CSRNP1: variants seen among roughly 807,000 people sequenced by gnomAD.
CSRNP1 encodes the protein cysteine and serine rich nuclear protein 1.
In CSRNP1, 8 loss-of-function variants were observed where a neutral mutation model predicts 25.0. The observed-to-expected ratio is 0.32, with a 90% CI of 0.19 to 0.58. The LOEUF is 0.58. Ranked by LOEUF, CSRNP1 falls within the 20% of genes least tolerant of loss-of-function variation. The pLI, the probability that CSRNP1 is intolerant of heterozygous loss-of-function variation, is 0.88. For missense variants in CSRNP1, 691 were observed against 773.1 expected, an observed-to-expected ratio of 0.89 and a Z score of 1.26; for synonymous variants, 305 against 303.1, an observed-to-expected ratio of 1.01 and a Z score of -0.06.
rs570154056 is a variant in CSRNP1, at chr3:39,146,218, G to A, written c.205+260C>T. On this transcript the variant is annotated intron_variant, in intron 2 of 4. Transcript: ENST00000273153. ...GAAACGAAACTGGAACAGAAGGGAG[G>A]GGCCAGACCGGGAAGGCCCTGAGAG... Among the ~76,000 whole-genome samples, 33 of 152,246 alleles carry A rather than the reference G, an allele frequency of 2.2e-4. No individual in the cohort carries two copies. In the South Asian group the frequency reaches 6.8e-3, roughly 32 times the overall value.
rs747000309 is a variant in CSRNP1 at position 39,146,732 on chromosome 3, G to C, written c.-40-10C>G. 1.3e-5 allele frequency: 20 copies of C among 1,544,684 alleles called. No individual in the cohort carries two copies. Among genetic ancestry groups the C allele is most frequent in the African/African-American group, 2.7e-5 (2 of 72,906 alleles). On this transcript the variant is annotated splice_polypyrimidine_tract_variant and intron_variant, in intron 1 of 4. Coordinates refer to ENST00000273153, the MANE Select transcript of CSRNP1 (RefSeq NM_033027.4). ...TCTGGGGACAGACAGCCTGGAATAGGAATGAGAAGGCTCTAAGTGGCAGGC... is the reference window on the plus strand; with the variant it reads ...TCTGGGGACAGACAGCCTGGAATAGCAATGAGAAGGCTCTAAGTGGCAGGC...
chr3:39,152,465 T>C (rs1419695797), intron 1 of CSRNP1: 1 of 152,984 alleles, frequency 6.5e-6, no homozygotes, highest in Non-Finnish European at 1.5e-5. Context: ...GAAAGGCAGA[T>C]ACCAAGATGT....
rs769542490 is a variant in CSRNP1, at chr3:39,145,074, G to T, written c.388C>A (p.Gln130Lys). Residue 130 changes from glutamine (Q) to lysine (K), a missense_variant, in exon 3 of 5, where the codon CAG (glutamine) becomes AAG (lysine). Coordinates refer to ENST00000273153, the MANE Select transcript of CSRNP1 (RefSeq NM_033027.4). Reference protein sequence around the residue: ...CRRFSLAEFAQEQARARHEKL... With the variant: ...CRRFSLAEFAKEQARARHEKL... The stretch of plus-strand genomic sequence containing the variant: ...TCGTGCCGTGCACGGGCTTGCTCCT[G>T]CGCAAACTCAGCCAAAGAGAAGCGA... The T allele has an allele frequency of 6.2e-6, 10 of 1,614,162 alleles. No homozygotes were observed. Among genetic ancestry groups the T allele is most frequent in the Non-Finnish European group, 8.5e-6 (10 of 1,180,060 alleles).
chr3:39,151,270 G>A (rs749119635), intron 1 of CSRNP1: 1 of 152,354 alleles, frequency 6.6e-6, no homozygotes, highest in Admixed American at 6.6e-5. Flanking sequence ...CTGAATCTGA[G>A]AGCCAGGCTT....
chr3:39,151,916 C>G (rs894333392), intron 1 of CSRNP1: 1 of 152,342 alleles, frequency 6.6e-6, no homozygotes, highest in Non-Finnish European at 1.5e-5. Context: ...GAAACTGCAC[C>G]TGACAATGAC....
chr3:39,143,874 C>T lies in CSRNP1; in HGVS notation c.951G>A (p.Gln317=). Residue 317 remains glutamine, a synonymous_variant, in exon 5 of 5, where the codon CAG becomes CAA. Coordinates refer to ENST00000273153, the MANE Select transcript of CSRNP1 (RefSeq NM_033027.4). ...ESFRELEAPA[Q]GSPPSPGEEA... ...CCTCACCAGGGCTGGGTGGGCTGCC[C>T]TGGGCAGGGGCCTCCAGCTCCCTAA... 1 of 1,614,160 alleles carries T rather than the reference C, an allele frequency of 6.2e-7. No individual in the cohort carries two copies. Among genetic ancestry groups the T allele is most frequent in the South Asian group, 1.1e-5 (1 of 91,082 alleles).
chr3:39,144,601 AC>A, intron 3 of CSRNP1, 150 bp from the exon 4 acceptor site: 1 of 777,372 alleles, frequency 1.3e-6, no homozygotes, highest in Non-Finnish European at 2.0e-6. Context: ...AGTGAACAGG[AC>A]AGCCAAGAAA....
At position 39,143,839 on chromosome 3, in the gene CSRNP1, A is replaced by T. The variant is rs2039459593; in HGVS notation, c.986T>A (p.Val329Asp). 1 of 1,614,036 alleles carries T rather than the reference A, an allele frequency of 6.2e-7. No individual in the cohort carries two copies. The highest frequency in any genetic ancestry group is 1.3e-5 in the African/African-American group (1 of 74,918). The change falls in exon 5 of 5, where the codon GTC becomes GAC. Residue 329 changes from valine (V) to aspartate (D), a missense_variant. Coordinates refer to ENST00000273153, the MANE Select transcript of CSRNP1 (RefSeq NM_033027.4). ...SPPSPGEEAL[V>D]PTFPLAKPPM... ...GGGCTTGGCCAGTGGGAAAGTAGGG[A>T]CCAGGGCCTCCTCACCAGGGCTGGG...
chr3:39,145,241 T>C lies in CSRNP1; in HGVS notation c.221A>G (p.Lys74Arg), dbSNP rs1309227373. ...PRSFTPLSIL[K>R]RARRERPGRV... ...GCCTGGGCGCTCCCGGCGAGCCCGC[T>C]TCAGGATAGACAGGGCTAGAAAGCA... The change falls in exon 3 of 5, where the codon AAG becomes AGG. Residue 74 changes from lysine to arginine, a missense_variant. Coordinates refer to ENST00000273153, the MANE Select transcript of CSRNP1 (RefSeq NM_033027.4). 2.5e-6 allele frequency: 4 copies of C among 1,599,282 alleles called. No homozygotes were observed. In the Admixed American group the frequency reaches 5.1e-5, roughly 20 times the overall value.
chr3:39,145,818 A>G (rs1297757259), intron 2 of CSRNP1, among the ~76,000 whole-genome samples: 2 of 152,228 alleles, frequency 1.3e-5, no homozygotes, highest in African/African-American at 4.8e-5. Context: ...TCCATGTGCT[A>G]AAAATTATAT....
At chr3:39,144,548 C>A in intron 3 of CSRNP1, 97 bp from the exon 4 acceptor site, 3 of 1,184,690 alleles carry the variant, frequency 2.5e-6, no homozygotes, top group Non-Finnish European at 3.5e-6. Flanking sequence ...GCTTACCCCC[C>A]CACTACTCGT....
Position 39,146,588 on chromosome 3 carries a change from G to C in CSRNP1, c.95C>G (p.Ser32Cys). 6.4e-7 allele frequency: 1 copy of C among 1,562,886 alleles called. No homozygotes were observed. Among genetic ancestry groups the C allele is most frequent in the Non-Finnish European group, 8.7e-7 (1 of 1,153,132 alleles). Residue 32 changes from serine to cysteine, a missense_variant, in exon 2 of 5, where the codon TCC becomes TGC. Ser to Cys is a moderately radical substitution (Grantham distance 112). Coordinates refer to ENST00000273153, the MANE Select transcript of CSRNP1 (RefSeq NM_033027.4). ...GGAGACAGAAGAGCTTGGGGAGCAG[G>C]AGCGAGACTGGCACCCAGAGGAAGA... is the stretch of plus-strand genomic sequence containing the variant. ...SSSSSGCQSR[S>C]CSPSSSVSRA...
At chr3:39,151,800 G>A (rs1357003977) in intron 1 of CSRNP1, 1 of 152,278 alleles carries the variant, frequency 6.6e-6, no homozygotes, top group Non-Finnish European at 1.5e-5. Flanking sequence ...CCCTCTGAAG[G>A]AGAGCTGGGG....
intron 1 of CSRNP1, chr3:39,150,968 A>G (rs1461721364): frequency 6.6e-6 from 1 of 152,250 alleles, no homozygotes; most frequent in Non-Finnish European, 1.5e-5. Context: ...CCACCTCGGA[A>G]TCCAGAGGCT....
Position 39,145,165 on chromosome 3 carries a change from G to A in CSRNP1, c.297C>T (p.Gly99=). The stretch of plus-strand genomic sequence containing the variant: ...CACCACGGCTGGGCACACTGGTGAA[G>A]CCCTGGCAGCGGGGGAAGTAGAAGA... The part of the protein sequence containing the change: ...ITVFYFPRCQ[G]FTSVPSRGGC... The change falls in exon 3 of 5, where the codon GGC becomes GGT. Residue 99 remains glycine (G), a synonymous_variant. Transcript: ENST00000273153. The A allele has an allele frequency of 6.2e-7, 1 of 1,614,264 alleles. No individual in the cohort carries two copies. The highest frequency in any genetic ancestry group is 8.5e-7 in the Non-Finnish European group (1 of 1,180,044).
In CSRNP1 at chr3:39,143,265, G is replaced by A. The variant is rs1235340605; in HGVS notation, c.1560C>T (p.Tyr520=). The change falls in exon 5 of 5, where the codon TAC becomes TAT. Residue 520 remains tyrosine (Y), a synonymous_variant. Transcript: ENST00000273153. Reference sequence around the variant, plus strand: ...GGCTGTCAGACACCTTCTGTGATGTGTAGTGAGGCCCCAGACTATAATCTG... The same window carrying A: ...GGCTGTCAGACACCTTCTGTGATGTATAGTGAGGCCCCAGACTATAATCTG... ...ALPDYSLGPH[Y]TSQKVSDSLD... is the part of the protein sequence containing the mutation. The A allele has an allele frequency of 1.2e-6, 2 of 1,614,088 alleles. No individual in the cohort carries two copies. The highest frequency in any genetic ancestry group is 4.5e-5 in the East Asian group (2 of 44,896).
In CSRNP1 at chr3:39,141,944, G is replaced by C. The variant is rs1356188647; in HGVS notation, c.*1111C>G. The C allele has an allele frequency of 1.3e-5, 2 of 152,658 alleles. No individual in the cohort carries two copies. The highest frequency in any genetic ancestry group is 2.4e-5 in the African/African-American group (1 of 41,440). The allele number at this position is 152,658 out of a possible 1,614,324, so 9.5% of individuals were successfully genotyped here. The stretch of plus-strand genomic sequence containing the variant: ...GGCTGGCAAGGCCTCCTGGGCAAGG[G>C]GCAGGCCCAGAGCCTGCGTTTCTTG... On this transcript the variant is annotated 3_prime_UTR_variant, in exon 5 of 5. Transcript: ENST00000273153.
chr3:39,145,564 T>C (rs2039497476), intron 2 of CSRNP1, among the ~76,000 whole-genome samples: 1 of 152,170 alleles, frequency 6.6e-6, no homozygotes, highest in South Asian at 2.1e-4. Flanking sequence ...TTTTCTATTG[T>C]TTTTTATTGA....
At chr3:39,146,405 G>C (rs1166131609) in intron 2 of CSRNP1, 73 bp downstream of exon 2, 5 of 1,471,028 alleles carry the variant, frequency 3.4e-6, no homozygotes, top group Non-Finnish European at 4.5e-6. Flanking sequence ...AAGGCATTTG[G>C]TCAGGGACTT....
Sources: gnomAD v4.1 joint callset for allele counts (sites outside exome capture counted in the v4.1 genomes callset) on GRCh38, gnomAD v4.1.1 for gene constraint, MANE v1.5 for transcripts, NCBI Gene and HGNC (gene_info 2026-07-23, HGNC 2026-07-21) for gene names.